The following DACH2 variants were observed in gnomAD, a reference collection of about 807,000 sequenced individuals.
The protein encoded by DACH2 is dachshund family transcription factor 2.
DACH2 carries 17 observed loss-of-function variants against 35.8 expected under a neutral mutation model. The observed-to-expected ratio is 0.48, with a 90% CI of 0.33 to 0.71. The LOEUF (loss-of-function observed/expected upper bound fraction) is 0.71, where lower values mean the gene tolerates loss of function less well. Among genes scored for constraint, DACH2 ranks in the 30% least tolerant of loss-of-function variants. The probability of loss-of-function intolerance (pLI) is 0.02; values close to 1 mark genes in which losing one functional copy is unlikely to be tolerated. For synonymous variants in DACH2, 195 were observed against 177.3 expected (o/e 1.10, Z -0.79); for missense variants, 469 against 472.7 (o/e 0.99, Z 0.07).
chrX:86,801,504 TG>T (rs2042294220), intron 7 of DACH2, among the ~76,000 whole-genome samples: 1 of 112,248 alleles, frequency 8.9e-6, no homozygotes, highest in Non-Finnish European at 1.9e-5. Flanking sequence ...AGATGACTAA[TG>T]AAAACAGAAC....
intron 2 of DACH2, among the ~76,000 whole-genome samples, chrX:86,408,627 C>T (rs1245313514): frequency 8.9e-6 from 1 of 111,865 alleles, no homozygotes; most frequent in Non-Finnish European, 1.9e-5. Context: ...AATTCAGCTA[C>T]ATTTGTATGA....
At chrX:86,443,440 A>T (rs2037204893) in intron 2 of DACH2, among the ~76,000 whole-genome samples, 1 of 111,129 alleles carries the variant, frequency 9.0e-6, no homozygotes, top group Non-Finnish European at 1.9e-5. Flanking sequence ...TGGGTTTCCT[A>T]CATATAAGAC....
intron 2 of DACH2, among the ~76,000 whole-genome samples, chrX:86,407,769 G>A (rs974915507): frequency 4.5e-5 from 5 of 111,735 alleles, no homozygotes; most frequent in African/African-American, 1.6e-4. Flanking sequence ...CATGGATAGA[G>A]TATGATTTTG....
chrX:86,466,575 A>T (rs1421487156), intron 2 of DACH2, among the ~76,000 whole-genome samples: 9 of 111,781 alleles, frequency 8.1e-5, no homozygotes, highest in Non-Finnish European at 1.7e-4. Flanking sequence ...CCAAAGTCTC[A>T]TCTGAGAAAA....
intron 7 of DACH2, among the ~76,000 whole-genome samples, chrX:86,768,839 C>T (rs754931913): frequency 5.0e-4 from 55 of 110,848 alleles, no homozygotes; most frequent in African/African-American, 1.8e-3. Flanking sequence ...TGGTTTTCAT[C>T]TTTATGTCTG....
At chrX:86,195,468 A>G (rs1444099911) in intron 1 of DACH2, among the ~76,000 whole-genome samples, 1 of 110,616 alleles carries the variant, frequency 9.0e-6, no homozygotes, top group Non-Finnish European at 1.9e-5. Flanking sequence ...GACCTCACAC[A>G]CAGTTGCCAG....
At chrX:86,795,183 C>T (rs192507402) in intron 7 of DACH2, among the ~76,000 whole-genome samples, 38 of 109,136 alleles carry the variant, frequency 3.5e-4, no homozygotes, top group East Asian at 5.8e-4. Context: ...AAGTTAAAAT[C>T]GCTAAGTGAA....
At chrX:86,714,954 A>C in intron 6 of DACH2, among the ~76,000 whole-genome samples, 1 of 111,709 alleles carries the variant, frequency 9.0e-6, no homozygotes, top group South Asian at 3.7e-4. Context: ...TCTTGCAATC[A>C]TGTGCACAGT....
chrX:86,315,421 A>G (rs948348763), intron 1 of DACH2, among the ~76,000 whole-genome samples: 11 of 112,279 alleles, frequency 9.8e-5, no homozygotes, highest in Non-Finnish European at 1.5e-4. Flanking sequence ...GACTGCTAAC[A>G]TAGCATCCAT....
chrX:86,565,378 C>T (rs767990528), intron 3 of DACH2, among the ~76,000 whole-genome samples: 55 of 111,268 alleles, frequency 4.9e-4, no homozygotes, highest in Non-Finnish European at 8.3e-4. Flanking sequence ...AAAGTGTGGT[C>T]CCCGGACCAT....
intron 3 of DACH2, among the ~76,000 whole-genome samples, chrX:86,567,110 G>A (rs4828150): frequency 0.074 from 8,255 of 111,475 alleles, 517 homozygotes; most frequent in Admixed American, 0.28. Flanking sequence ...GGTAAGTAAA[G>A]AGGAAACAAG....
chrX:86,746,845 A>T (rs1409617546), intron 7 of DACH2, among the ~76,000 whole-genome samples: 1 of 111,318 alleles, frequency 9.0e-6, no homozygotes, highest in East Asian at 2.8e-4. Flanking sequence ...TCGTCCTTAC[A>T]CTTAGATCTG....
chrX:86,500,722 C>T (rs1049238398), intron 2 of DACH2, among the ~76,000 whole-genome samples: 6 of 111,386 alleles, frequency 5.4e-5, no homozygotes, highest in South Asian at 3.8e-4. Context: ...GTGGAGGAAG[C>T]GACTCTAAGA....
rs1240022325 is a variant in DACH2 at position 86,246,341 on chromosome X, G to T, written c.488+97233G>T. On this transcript the variant is annotated intron_variant, in intron 1 of 11. Coordinates refer to ENST00000373125, the MANE Select transcript of DACH2 (RefSeq NM_053281.3). The stretch of plus-strand genomic sequence containing the variant: ...ACCCATGTGAAATACTATACAAGAG[G>T]ATCATCCCCAAGACATATAGTCATC... Among the ~76,000 whole-genome samples the T allele has an allele frequency of 2.7e-5, 3 of 110,702 alleles. No individual in the cohort carries two copies. In the East Asian group the frequency reaches 8.6e-4, roughly 32 times the overall value.
intron 1 of DACH2, among the ~76,000 whole-genome samples, chrX:86,281,849 C>T (rs940886666): frequency 1.8e-5 from 2 of 111,919 alleles, no homozygotes; most frequent in Admixed American, 1.9e-4. Context: ...CATTCCTATA[C>T]ACCAATAATA....
At chrX:86,227,325 A>ATAAAGAGTG (rs372780172) in intron 1 of DACH2, among the ~76,000 whole-genome samples, 11 of 112,010 alleles carry the variant, frequency 9.8e-5, no homozygotes, top group Middle Eastern at 9.2e-3. Context: ...TTCTACTTGT[A>ATAAAGAGTG]TAAAGAGTGT....
chrX:86,826,205 C>T (rs1240788883), intron 11 of DACH2, among the ~76,000 whole-genome samples: 2 of 110,895 alleles, frequency 1.8e-5, no homozygotes, highest in Non-Finnish European at 3.8e-5. Flanking sequence ...TTCATGCTTC[C>T]TTTTTAGGGT....
chrX:86,192,156 T>C (rs1441626129), intron 1 of DACH2, among the ~76,000 whole-genome samples: 1 of 111,454 alleles, frequency 9.0e-6, no homozygotes, highest in African/African-American at 3.3e-5. Context: ...CTGTTCGGTG[T>C]TCTTCAATGC....
chrX:86,411,024 ATATATATATATATATG>A (rs1246286104), intron 2 of DACH2, among the ~76,000 whole-genome samples: 1 of 78,075 alleles, frequency 1.3e-5, no homozygotes, highest in African/African-American at 4.7e-5. Flanking sequence ...ATATGATTAT[ATATATATATATATATG>A]TATATATGTA....
Sources: gnomAD v4.1 joint callset for allele counts (sites outside exome capture counted in the v4.1 genomes callset) on GRCh38, gnomAD v4.1.1 for gene constraint, MANE v1.5 for transcripts, NCBI Gene and HGNC (gene_info 2026-07-23, HGNC 2026-07-21) for gene names.